Variants in C9 observed in about 807,000 individuals in gnomAD.
The protein encoded by C9 is complement C9.
Under a neutral mutation model 65.4 loss-of-function variants are expected in C9, and 63 were observed. That is an observed-to-expected ratio of 0.96 (90% confidence interval 0.79 to 1.19). The LOEUF (loss-of-function observed/expected upper bound fraction) is 1.19, where lower values mean the gene tolerates loss of function less well. Ranked by LOEUF, C9 falls within the 50% of genes most tolerant of loss-of-function variation. The pLI is 0.00. For synonymous variants in C9, 229 were observed against 227.9 expected (o/e 1.00, Z -0.04); for missense variants, 744 against 670.1 (o/e 1.11, Z -1.22).
chr5:39,343,247 G>C (rs1194588051), intron 1 of C9, among the ~76,000 whole-genome samples: 2 of 152,240 alleles, frequency 1.3e-5, no homozygotes. Flanking sequence ...CACCCGGGAA[G>C]TGCAAGGGGT....
At chr5:39,339,933 AC>A (rs1754044359) in intron 4 of C9, among the ~76,000 whole-genome samples, 1 of 152,066 alleles carries the variant, frequency 6.6e-6, no homozygotes, top group African/African-American at 2.4e-5. Flanking sequence ...TGCTGAGATT[AC>A]AGGCGTGACC....
chr5:39,312,527 G>A (rs554289875), intron 6 of C9, among the ~76,000 whole-genome samples: 61 of 152,222 alleles, frequency 4.0e-4, no homozygotes, highest in Non-Finnish European at 7.6e-4. Flanking sequence ...ACAGAGACAG[G>A]ACAGACAATA....
Position 39,342,753 on chromosome 5 carries a change from C to G in C9, c.78-557G>C, listed in dbSNP as rs1392064469. Among the ~76,000 whole-genome samples, 3 of 152,138 alleles carry G rather than the reference C, an allele frequency of 2.0e-5. No individual in the cohort carries two copies. The East Asian group carries it at 5.8e-4, about 29-fold the overall frequency. On this transcript the variant is annotated intron_variant, in intron 1 of 10. Transcript: ENST00000263408. The stretch of plus-strand genomic sequence containing the variant: ...AAACTGGATGCCTTGCCACTTCACA[C>G]TTCACTTCAGGACTTATTCCTGATC...
Position 39,298,183 on chromosome 5 carries a change from T to C in C9, c.1416+8434A>G, listed in dbSNP as rs557006649. 2.0e-5 allele frequency among the ~76,000 whole-genome samples: 3 copies of C among 151,724 alleles called. No homozygotes were observed. In the South Asian group the frequency reaches 6.2e-4, roughly 32 times the overall value. On this transcript the variant is annotated intron_variant, in intron 9 of 10. Coordinates refer to ENST00000263408, the MANE Select transcript of C9 (RefSeq NM_001737.5). ...AGTTAAAGAAATGCTTAAAGGTCAA[T>C]TTACAGCACAAAATACCTATATTAG...
chr5:39,288,262 T>C (rs1197855767), intron 10 of C9, among the ~76,000 whole-genome samples: 1 of 151,780 alleles, frequency 6.6e-6, no homozygotes, highest in Non-Finnish European at 1.5e-5. Context: ...TAGAATTTTT[T>C]TGGGGGGCGG....
chr5:39,322,812 T>C (rs1753685912), intron 5 of C9, among the ~76,000 whole-genome samples: 1 of 152,134 alleles, frequency 6.6e-6, no homozygotes, highest in African/African-American at 2.4e-5. Flanking sequence ...AACAACTATA[T>C]AAATAGCACT....
chr5:39,351,430 T>C (rs1388962251), intron 1 of C9, among the ~76,000 whole-genome samples: 1 of 152,228 alleles, frequency 6.6e-6, no homozygotes, highest in African/African-American at 2.4e-5. Context: ...TTCTACCTTA[T>C]GGTCAGGCTG....
intron 1 of C9, among the ~76,000 whole-genome samples, chr5:39,348,323 A>G (rs909443676): frequency 6.6e-6 from 1 of 152,238 alleles, no homozygotes; most frequent in Admixed American, 6.5e-5. Context: ...TAAATTTACA[A>G]GAAAAAAGCA....
chr5:39,334,665 C>T (rs559238623), intron 4 of C9, among the ~76,000 whole-genome samples: 2 of 150,852 alleles, frequency 1.3e-5, no homozygotes, highest in Non-Finnish European at 2.9e-5. Context: ...CCCCTCTGCC[C>T]GGCCAGCCGC....
At chr5:39,315,191 G>C (rs1561340077) in intron 6 of C9, among the ~76,000 whole-genome samples, 2 of 152,242 alleles carry the variant, frequency 1.3e-5, no homozygotes, top group Middle Eastern at 3.4e-3. Context: ...ATCAGAAAAG[G>C]AAGAATGAGC....
rs373066140 is a variant in C9, at chr5:39,341,307, C to T, written c.329-14G>A. 2.6e-4 allele frequency: 419 copies of T among 1,613,628 alleles called. No homozygotes were observed. Among genetic ancestry groups the T allele is most frequent in the Non-Finnish European group, 3.5e-4 (408 of 1,179,662 alleles). On this transcript the variant is annotated splice_polypyrimidine_tract_variant and intron_variant, in intron 3 of 10. Coordinates refer to ENST00000263408, the MANE Select transcript of C9 (RefSeq NM_001737.5). ...TTATGCATCTGCCTGCAATCAAAATCAGGAGAGACTCAATGTATCTAATGT... is the reference window on the plus strand; with the variant it reads ...TTATGCATCTGCCTGCAATCAAAATTAGGAGAGACTCAATGTATCTAATGT...
intron 4 of C9, among the ~76,000 whole-genome samples, chr5:39,338,587 CTA>C (rs1432780128): frequency 6.6e-6 from 1 of 152,154 alleles, no homozygotes; most frequent in African/African-American, 2.4e-5. Context: ...TTCATGAAGA[CTA>C]AATTTAACAT....
At chr5:39,303,979 T>C (rs1447965871) in intron 9 of C9, among the ~76,000 whole-genome samples, 2 of 152,194 alleles carry the variant, frequency 1.3e-5, no homozygotes, top group East Asian at 3.8e-4. Context: ...ATCATTATCT[T>C]ACTTGTTTTT....
At chr5:39,332,710 T>C (rs998513181) in intron 4 of C9, among the ~76,000 whole-genome samples, 1 of 152,208 alleles carries the variant, frequency 6.6e-6, no homozygotes, top group Non-Finnish European at 1.5e-5. Flanking sequence ...AACTCTTCCA[T>C]TGCCCTAGGC....
intron 9 of C9, among the ~76,000 whole-genome samples, chr5:39,299,591 G>T (rs970423594): frequency 6.6e-6 from 1 of 152,108 alleles, no homozygotes; most frequent in Admixed American, 6.6e-5. Context: ...CTAAGTGAAA[G>T]AAGCCAAATT....
intron 4 of C9, among the ~76,000 whole-genome samples, chr5:39,334,037 G>A (rs1460498690): frequency 1.1e-4 from 16 of 151,126 alleles, no homozygotes; most frequent in Admixed American, 2.6e-4. Flanking sequence ...CCGCCACCCC[G>A]TCTGGGAAGT....
intron 1 of C9, among the ~76,000 whole-genome samples, chr5:39,347,937 T>C (rs542086688): frequency 1.4e-5 from 2 of 146,134 alleles, no homozygotes; most frequent in African/African-American, 5.1e-5. Context: ...CCCTATTTAA[T>C]AAATGGTGCT....
intron 4 of C9, among the ~76,000 whole-genome samples, chr5:39,333,067 C>T (rs907855911): frequency 6.6e-6 from 1 of 152,120 alleles, no homozygotes; most frequent in African/African-American, 2.4e-5. Flanking sequence ...ATGAAAAATG[C>T]TATGGCCTTA....
rs746327150 is a variant in C9 at position 39,342,202 on chromosome 5, A to G, written c.78-6T>C. 2.8e-6 allele frequency: 4 copies of G among 1,433,852 alleles called. No homozygotes were observed. Among genetic ancestry groups the G allele is most frequent in the Non-Finnish European group, 3.0e-6 (3 of 1,015,190 alleles). 88.8% of individuals were successfully genotyped at this position (1,433,852 alleles called of 1,614,324 possible). On this transcript the variant is annotated splice_polypyrimidine_tract_variant and splice_region_variant and intron_variant, in intron 1 of 10. Transcript: ENST00000263408. ...CTGTTAGCTCTGGGTCATAACTAAG[A>G]TAACAGAACATCCCAGTTTATAATG...
Sources: gnomAD v4.1 joint callset for allele counts (sites outside exome capture counted in the v4.1 genomes callset) on GRCh38, gnomAD v4.1.1 for gene constraint, MANE v1.5 for transcripts, NCBI Gene and HGNC (gene_info 2026-07-23, HGNC 2026-07-21) for gene names.